Variants in MACROD2 observed in about 807,000 individuals in gnomAD.
MACROD2 encodes ADP-ribose glycohydrolase MACROD2.
Under a neutral mutation model 70.4 loss-of-function variants are expected in MACROD2, and 36 were observed. The observed-to-expected ratio is 0.51, with a 90% CI of 0.39 to 0.68. The LOEUF (loss-of-function observed/expected upper bound fraction) is 0.68. Among genes scored for constraint, MACROD2 ranks in the 30% least tolerant of loss-of-function variants. The probability of loss-of-function intolerance (pLI) is 0.00; values close to 1 mark genes in which losing one functional copy is unlikely to be tolerated. For missense variants in MACROD2, 496 were observed against 538.4 expected (o/e 0.92, Z 0.78); for synonymous variants, 172 against 178.8 (o/e 0.96, Z 0.30).
rs932004396 is a variant in MACROD2 at position 14,306,417 on chromosome 20, A to G, written c.272-187062A>G. Among the ~76,000 whole-genome samples the G allele has an allele frequency of 8.5e-5, 13 of 152,194 alleles. No homozygotes were observed. The South Asian group carries it at 1.2e-3, about 15-fold the overall frequency. On this transcript the variant is annotated intron_variant, in intron 3 of 17. Transcript: ENST00000684519. Reference sequence around the variant, plus strand: ...CCCACGTCTAGGTTGTTGCTGATCAATTTTAGGGGTCTGTTATTCAGTCTG... The same window carrying G: ...CCCACGTCTAGGTTGTTGCTGATCAGTTTTAGGGGTCTGTTATTCAGTCTG...
intron 7 of MACROD2, among the ~76,000 whole-genome samples, chr20:15,481,804 G>T (rs971026677): frequency 6.6e-6 from 1 of 152,218 alleles, no homozygotes; most frequent in African/African-American, 2.4e-5. Flanking sequence ...AGGTGACTAT[G>T]CAGAAATAAA....
chr20:14,150,688 T>G (rs572106576), intron 3 of MACROD2, among the ~76,000 whole-genome samples: 8 of 152,194 alleles, frequency 5.3e-5, no homozygotes, highest in Non-Finnish European at 1.0e-4. Context: ...CGGCTTTCTT[T>G]TAAAGAGAAT....
At chr20:14,593,018 G>C (rs1346095785) in intron 4 of MACROD2, among the ~76,000 whole-genome samples, 1 of 152,084 alleles carries the variant, frequency 6.6e-6, no homozygotes, top group African/African-American at 2.4e-5. Context: ...TTTGATTTTA[G>C]ACACATATAT....
chr20:15,699,533 GTT>G (rs937532384), intron 8 of MACROD2, among the ~76,000 whole-genome samples: 1 of 152,170 alleles, frequency 6.6e-6, no homozygotes, highest in Non-Finnish European at 1.5e-5. Context: ...TTAATGCTCT[GTT>G]TTTGTGCTGG....
intron 2 of MACROD2, among the ~76,000 whole-genome samples, chr20:14,079,473 C>CT (rs922110137): frequency 6.6e-6 from 1 of 152,086 alleles, no homozygotes; most frequent in Non-Finnish European, 1.5e-5. Context: ...TTTAAGGAGA[C>CT]TTTTTTTCTG....
At chr20:15,111,331 C>T (rs1006048171) in intron 5 of MACROD2, among the ~76,000 whole-genome samples, 2 of 151,958 alleles carry the variant, frequency 1.3e-5, no homozygotes, top group Non-Finnish European at 2.9e-5. Context: ...TGCCACTGCA[C>T]CTGGCTAATT....
intron 8 of MACROD2, among the ~76,000 whole-genome samples, chr20:15,644,109 CA>C (rs1417673684): frequency 6.6e-6 from 1 of 152,132 alleles, no homozygotes; most frequent in Non-Finnish European, 1.5e-5. Flanking sequence ...AAAACAAAAA[CA>C]AGATCTTGTT....
At chr20:15,798,223 A>G (rs1277235309) in intron 8 of MACROD2, among the ~76,000 whole-genome samples, 2 of 151,988 alleles carry the variant, frequency 1.3e-5, no homozygotes, top group East Asian at 3.9e-4. Context: ...AGTGGGGATG[A>G]CTCTTCCCTG....
At chr20:15,621,077 C>T (rs180732766) in intron 8 of MACROD2, among the ~76,000 whole-genome samples, 21 of 152,180 alleles carry the variant, frequency 1.4e-4, no homozygotes, top group South Asian at 4.1e-4. Flanking sequence ...ACAGGCAGTT[C>T]CTGAGGATAC....
intron 3 of MACROD2, among the ~76,000 whole-genome samples, chr20:14,108,701 C>G (rs1226707539): frequency 6.6e-6 from 1 of 151,974 alleles, no homozygotes; most frequent in Non-Finnish European, 1.5e-5. Flanking sequence ...GCCAATTCAG[C>G]AAGAGGAGAT....
chr20:14,166,920 A>C (rs1029685386), intron 3 of MACROD2, among the ~76,000 whole-genome samples: 1 of 152,144 alleles, frequency 6.6e-6, no homozygotes, highest in African/African-American at 2.4e-5. Context: ...CCTCTAAATA[A>C]CTTCCCATGC....
chr20:15,544,829 C>CT, intron 8 of MACROD2, among the ~76,000 whole-genome samples: 1 of 152,202 alleles, frequency 6.6e-6, no homozygotes, highest in East Asian at 1.9e-4. Context: ...ATATATCTTG[C>CT]TTTTACCCTC....
chr20:15,236,013 C>T (rs1041677987), intron 6 of MACROD2, among the ~76,000 whole-genome samples: 1 of 152,170 alleles, frequency 6.6e-6, no homozygotes, highest in African/African-American at 2.4e-5. Context: ...AGCTGTGTGA[C>T]TAACAATACT....
chr20:14,755,841 C>T (rs940397134), intron 5 of MACROD2, among the ~76,000 whole-genome samples: 1 of 151,870 alleles, frequency 6.6e-6, no homozygotes, highest in African/African-American at 2.4e-5. Flanking sequence ...TTCAAGAAAA[C>T]CCAAATTGTC....
intron 6 of MACROD2, among the ~76,000 whole-genome samples, chr20:15,421,042 T>C (rs2046220898): frequency 6.6e-6 from 1 of 152,134 alleles, no homozygotes; most frequent in African/African-American, 2.4e-5. Context: ...GCTGTGATAG[T>C]ACCACTGCAT....
At chr20:15,583,534 C>G (rs1489913219) in intron 8 of MACROD2, among the ~76,000 whole-genome samples, 1 of 152,200 alleles carries the variant, frequency 6.6e-6, no homozygotes, top group Non-Finnish European at 1.5e-5. Flanking sequence ...TTTCTGTTTT[C>G]TTGCAGACAA....
intron 2 of MACROD2, among the ~76,000 whole-genome samples, chr20:14,065,099 TG>T: frequency 6.6e-6 from 1 of 152,324 alleles, no homozygotes; most frequent in South Asian, 2.1e-4. Flanking sequence ...GTTCAACCTC[TG>T]CACCTTTGAA....
intron 8 of MACROD2, among the ~76,000 whole-genome samples, chr20:15,517,094 A>G (rs1178228254): frequency 1.3e-5 from 2 of 152,178 alleles, no homozygotes; most frequent in Non-Finnish European, 2.9e-5. Context: ...TTTAAAAACC[A>G]TATTCTGGGA....
intron 6 of MACROD2, among the ~76,000 whole-genome samples, chr20:15,339,037 A>G (rs2078079301): frequency 6.6e-6 from 1 of 151,814 alleles, no homozygotes; most frequent in Non-Finnish European, 1.5e-5. Flanking sequence ...TTAATCTATT[A>G]TAGCTGGCCT....
Sources: gnomAD v4.1 joint callset for allele counts (sites outside exome capture counted in the v4.1 genomes callset) on GRCh38, gnomAD v4.1.1 for gene constraint, MANE v1.5 for transcripts, NCBI Gene and HGNC (gene_info 2026-07-23, HGNC 2026-07-21) for gene names.